Variants in NELL1 observed in about 807,000 individuals in gnomAD.
The protein encoded by NELL1 is neural EGFL like 1, also known as protein kinase C-binding protein NELL1.
Under a neutral mutation model 107.4 loss-of-function variants are expected in NELL1, and 76 were observed. The observed-to-expected ratio is 0.71, with a 90% CI of 0.59 to 0.86. The LOEUF (loss-of-function observed/expected upper bound fraction) is 0.86. Among genes scored for constraint, NELL1 ranks in the 40% least tolerant of loss-of-function variants. NELL1 has a pLI of 0.00. For missense variants in NELL1, 1,024 were observed against 1,005.5 expected (o/e 1.02, Z -0.25); for synonymous variants, 353 against 341.2 (o/e 1.03, Z -0.38).
chr11:20,739,576 C>T (rs1855841423), intron 2 of NELL1, among the ~76,000 whole-genome samples: 1 of 152,164 alleles, frequency 6.6e-6, no homozygotes. Flanking sequence ...TTCTGTCTTT[C>T]CCTTGACAGT....
At chr11:21,047,134 C>T (rs1159979883) in intron 12 of NELL1, among the ~76,000 whole-genome samples, 1 of 152,084 alleles carries the variant, frequency 6.6e-6, no homozygotes, top group Admixed American at 6.6e-5. Flanking sequence ...TACCCATGAA[C>T]TTTTAGGCTT....
chr11:21,147,549 T>C (rs1856008368), intron 13 of NELL1, among the ~76,000 whole-genome samples: 1 of 152,006 alleles, frequency 6.6e-6, no homozygotes, highest in South Asian at 2.1e-4. Context: ...GTATGAGATA[T>C]AGGCTGGGCA....
intron 13 of NELL1, among the ~76,000 whole-genome samples, chr11:21,115,433 A>C (rs1452767040): frequency 6.6e-6 from 1 of 152,012 alleles, no homozygotes; most frequent in Non-Finnish European, 1.5e-5. Context: ...AGAACAAAAG[A>C]GAGAAAGAAA....
At chr11:21,471,739 G>A (rs138699765) in intron 15 of NELL1, among the ~76,000 whole-genome samples, 1 of 152,092 alleles carries the variant, frequency 6.6e-6, no homozygotes, top group African/African-American at 2.4e-5. Context: ...ATGCAAACAT[G>A]AGATACTAAA....
At chr11:20,706,754 G>C (rs1854971596) in intron 2 of NELL1, among the ~76,000 whole-genome samples, 1 of 152,182 alleles carries the variant, frequency 6.6e-6, no homozygotes, top group African/African-American at 2.4e-5. Context: ...TCCTCTCTTA[G>C]TCTGATGGGC....
At chr11:20,717,214 A>G (rs188690944) in intron 2 of NELL1, among the ~76,000 whole-genome samples, 1 of 152,358 alleles carries the variant, frequency 6.6e-6, no homozygotes, top group African/African-American at 2.4e-5. Context: ...GGTCATCCCA[A>G]TGATGGAGAT....
rs535745780 is a variant in NELL1 at position 20,722,151 on chromosome 11, G to T, written c.184+44091G>T. On this transcript the variant is annotated intron_variant, in intron 2 of 19. Transcript: ENST00000357134. ...TCCTCCCGCCTCAGCCTCCCAAGTA[G>T]CTGGGATTACAGGTGTGTGCCACAA... Among the ~76,000 whole-genome samples the T allele has an allele frequency of 5.9e-3, 901 of 151,992 alleles. 6 individuals carry two copies. The highest frequency in any genetic ancestry group is 0.021 in the African/African-American group (862 of 41,418).
intron 14 of NELL1, among the ~76,000 whole-genome samples, chr11:21,281,541 C>T (rs1408494058): frequency 6.6e-6 from 1 of 152,132 alleles, no homozygotes; most frequent in South Asian, 2.1e-4. Flanking sequence ...ATTGTAGACC[C>T]AGGGCCTTGA....
In NELL1 at chr11:21,465,975, C is replaced by T. The variant is rs191903550; in HGVS notation, c.1646-68399C>T. Among the ~76,000 whole-genome samples, 7 of 152,152 alleles carry T rather than the reference C, an allele frequency of 4.6e-5. No individual in the cohort carries two copies. In the East Asian group the frequency reaches 9.7e-4, roughly 21 times the overall value. The stretch of plus-strand genomic sequence containing the variant: ...TACACACTACCTTTCTAACTGCAGT[C>T]AACTGTAGGGATCCAAGACATGAAG... On this transcript the variant is annotated intron_variant, in intron 15 of 19. Coordinates refer to ENST00000357134, the MANE Select transcript of NELL1 (RefSeq NM_006157.5).
At chr11:21,115,267 A>G (rs1855205262) in intron 13 of NELL1, among the ~76,000 whole-genome samples, 1 of 151,770 alleles carries the variant, frequency 6.6e-6, no homozygotes, top group Non-Finnish European at 1.5e-5. Flanking sequence ...ATCAGTGGGC[A>G]CCCAAGTGCC....
At chr11:21,574,649 G>C (rs367921802) in intron 19 of NELL1, among the ~76,000 whole-genome samples, 2 of 151,644 alleles carry the variant, frequency 1.3e-5, no homozygotes, top group African/African-American at 4.8e-5. Flanking sequence ...AAAGAATCTC[G>C]CTTGGAATAA....
chr11:21,312,343 A>ATT (rs5790173), intron 14 of NELL1, among the ~76,000 whole-genome samples: 3,402 of 148,476 alleles, frequency 0.023, 49 homozygotes, highest in East Asian at 0.05. Context: ...TTTAGAAAGG[A>ATT]TTTTTTTTTT....
chr11:21,300,448 A>G (rs1341845141), intron 14 of NELL1, among the ~76,000 whole-genome samples: 2 of 151,896 alleles, frequency 1.3e-5, no homozygotes, highest in Middle Eastern at 3.2e-3. Flanking sequence ...TGGGTTTTTT[A>G]ATAAGCTGAA....
At chr11:21,174,254 T>C (rs1189434978) in intron 13 of NELL1, among the ~76,000 whole-genome samples, 1 of 151,860 alleles carries the variant, frequency 6.6e-6, no homozygotes, top group Non-Finnish European at 1.5e-5. Flanking sequence ...CCAGGCAAAC[T>C]GGGATGTATG....
At chr11:21,268,291 C>T (rs539069379) in intron 14 of NELL1, among the ~76,000 whole-genome samples, 1 of 152,242 alleles carries the variant, frequency 6.6e-6, no homozygotes, top group African/African-American at 2.4e-5. Context: ...CATCCAGGAG[C>T]TTGACCAGCT....
intron 12 of NELL1, among the ~76,000 whole-genome samples, chr11:21,097,266 C>T (rs1854666450): frequency 6.6e-6 from 1 of 152,132 alleles, no homozygotes; most frequent in South Asian, 2.1e-4. Context: ...ATATAAAATG[C>T]TCCAGGAATA....
chr11:21,373,653 C>A (rs150145382), intron 15 of NELL1, among the ~76,000 whole-genome samples: 1 of 152,132 alleles, frequency 6.6e-6, no homozygotes, highest in African/African-American at 2.4e-5. Flanking sequence ...TTAATAATCC[C>A]ACTTGTGTTT....
At chr11:21,396,034 G>T (rs1385384770) in intron 15 of NELL1, among the ~76,000 whole-genome samples, 2 of 151,518 alleles carry the variant, frequency 1.3e-5, no homozygotes, top group South Asian at 4.1e-4. Flanking sequence ...GCAACTTCTG[G>T]CTGAGGCAGT....
At chr11:21,328,205 T>C (rs1027158056) in intron 14 of NELL1, among the ~76,000 whole-genome samples, 1 of 152,280 alleles carries the variant, frequency 6.6e-6, no homozygotes, top group African/African-American at 2.4e-5. Flanking sequence ...GCTGGACCTA[T>C]GGCCTCACTG....
Sources: allele counts gnomAD v4.1 joint callset (sites outside exome capture counted in the v4.1 genomes callset), GRCh38; gene constraint gnomAD v4.1.1; transcripts MANE v1.5; gene names NCBI Gene and HGNC (gene_info 2026-07-23, HGNC 2026-07-21).